Variants in MTR observed in about 807,000 individuals in gnomAD.
The protein encoded by MTR is methionine synthase.
MTR carries 84 observed loss-of-function variants against 154.8 expected under a neutral mutation model. The ratio of observed to expected loss-of-function variants is 0.54; its 90% CI spans 0.45 to 0.65. MTR has a LOEUF of 0.65. MTR is among the 30% of genes least tolerant of loss of function. MTR has a pLI of 0.00. For synonymous variants in MTR, 554 were observed against 553.9 expected, an observed-to-expected ratio of 1.00 and a Z score of 0.00; for missense variants, 1,275 against 1,570.2, an observed-to-expected ratio of 0.81 and a Z score of 3.18.
intron 1 of MTR, chr1:236,799,969 A>G (rs1660617878): frequency 1.2e-6 from 1 of 819,612 alleles, no homozygotes; most frequent in Non-Finnish European, 1.5e-6. Flanking sequence ...CTCAACAAAC[A>G]AGATGCCAGA....
intron 30 of MTR, 50 bp from the exon 31 acceptor site, chr1:236,895,308 C>T: frequency 6.5e-7 from 1 of 1,548,534 alleles, no homozygotes; most frequent in Non-Finnish European, 8.8e-7. Context: ...TGCACTGATG[C>T]TGTGAGCCCC....
chr1:236,864,484 T>TC (rs1232671959), intron 22 of MTR, among the ~76,000 whole-genome samples: 1 of 152,212 alleles, frequency 6.6e-6, no homozygotes, highest in Non-Finnish European at 1.5e-5. Flanking sequence ...CATTTTTTTT[T>TC]CCCTCTGACT....
intron 18 of MTR, among the ~76,000 whole-genome samples, chr1:236,858,387 T>C (rs1664325941): frequency 6.6e-6 from 1 of 152,150 alleles, no homozygotes; most frequent in Non-Finnish European, 1.5e-5. Flanking sequence ...TACCTCCCAC[T>C]GGGTCCCTCC....
chr1:236,847,880 G>GA (rs1572257452), intron 15 of MTR, among the ~76,000 whole-genome samples: 2 of 152,180 alleles, frequency 1.3e-5, no homozygotes, highest in African/African-American at 4.8e-5. Context: ...CTGGATCTCT[G>GA]AAATCCACCA....
Position 236,889,620 on chromosome 1 carries a change from C to G in MTR, c.3007+284C>G, listed in dbSNP as rs556803543. Among the ~76,000 whole-genome samples, 8 of 152,334 alleles carry G rather than the reference C, an allele frequency of 5.3e-5. No homozygotes were observed. The East Asian group carries it at 1.5e-3, about 29-fold the overall frequency. On this transcript the variant is annotated intron_variant, in intron 28 of 32. Coordinates refer to ENST00000366577, the MANE Select transcript of MTR (RefSeq NM_000254.3). ...TGGAAGACAATATAATCCCTGCTGT[C>G]TAGCACCTGACTAGCTGGCACATCC...
intron 24 of MTR, among the ~76,000 whole-genome samples, chr1:236,876,709 A>C (rs1238319237): frequency 2.3e-5 from 2 of 85,598 alleles, no homozygotes; most frequent in Non-Finnish European, 4.9e-5. Flanking sequence ...CTACCAGATT[A>C]AAGAAAAAAA....
chr1:236,889,181 T>G lies in MTR; in HGVS notation c.2852T>G (p.Val951Gly), dbSNP rs1666183690. Residue 951 changes from valine to glycine, a missense_variant and splice_region_variant, in exon 28 of 33, where the codon GTG becomes GGG. By Grantham distance (109) the Val-to-Gly change is moderately radical (BLOSUM62 -3). Transcript: ENST00000366577. ...TGACAACCATACTTCTCTCCTGTAGTGAAGCCCACGTTTATTGGGACCCAG... is the reference window on the plus strand; with the variant it reads ...TGACAACCATACTTCTCTCCTGTAGGGAAGCCCACGTTTATTGGGACCCAG... The part of the protein sequence containing the change: ...QMDWLSEPHP[V>G]KPTFIGTQVF... The G allele has an allele frequency of 6.2e-7, 1 of 1,614,044 alleles. No homozygotes were observed. The highest frequency in any genetic ancestry group is 8.5e-7 in the Non-Finnish European group (1 of 1,180,038).
chr1:236,885,342 A>G, intron 26 of MTR, 123 bp downstream of exon 26: 1 of 709,902 alleles, frequency 1.4e-6, no homozygotes, highest in Non-Finnish European at 2.5e-6. Flanking sequence ...ATTTTAGAGA[A>G]TTTCTGTCTT....
chr1:236,834,363 A>G (rs531514094), intron 13 of MTR, among the ~76,000 whole-genome samples: 1 of 152,248 alleles, frequency 6.6e-6, no homozygotes, highest in Non-Finnish European at 1.5e-5. Context: ...TATTTTTAGT[A>G]GAGATGGAGT....
In MTR at chr1:236,863,518, A is replaced by T. The variant is rs1664667260; in HGVS notation, c.2369A>T (p.Asn790Ile). 6.2e-7 allele frequency: 1 copy of T among 1,614,108 alleles called. No homozygotes were observed. The highest frequency in any genetic ancestry group is 8.5e-7 in the Non-Finnish European group (1 of 1,179,970). Reference sequence around the variant, plus strand: ...GGCGACGTGCACGACATAGGCAAGAACATAGTTGGAGTAGTCCTTGGCTGC... The same window carrying T: ...GGCGACGTGCACGACATAGGCAAGATCATAGTTGGAGTAGTCCTTGGCTGC... Reference protein sequence around the residue: ...VKGDVHDIGKNIVGVVLGCNN... With the variant: ...VKGDVHDIGKIIVGVVLGCNN... The change falls in exon 22 of 33, where the codon AAC becomes ATC. Residue 790 changes from asparagine (N) to isoleucine (I), a missense_variant. Physicochemically the swap from Asn to Ile is moderately radical, Grantham distance 149. Coordinates refer to ENST00000366577, the MANE Select transcript of MTR (RefSeq NM_000254.3).
At chr1:236,862,865 C>T (rs563638947) in intron 21 of MTR, among the ~76,000 whole-genome samples, 2 of 152,320 alleles carry the variant, frequency 1.3e-5, no homozygotes, top group Admixed American at 6.5e-5. Context: ...GAAGCTCAGA[C>T]AGCTTTGGCC....
At chr1:236,852,128 C>G (rs376726572) in intron 16 of MTR, among the ~76,000 whole-genome samples, 13 of 152,188 alleles carry the variant, frequency 8.5e-5, no homozygotes, top group African/African-American at 2.4e-4. Flanking sequence ...GTTGGAACTT[C>G]AATTTCCTTT....
At position 236,815,756 on chromosome 1, in the gene MTR, A is replaced by C; in HGVS notation, c.669+93A>C. The C allele has an allele frequency of 3.2e-6, 4 of 1,249,668 alleles. No homozygotes were observed. The South Asian group carries it at 4.9e-5, about 15-fold the overall frequency. 77.4% of individuals were successfully genotyped at this position (1,249,668 alleles called of 1,614,324 possible). A position where few individuals can be genotyped will look rare whatever the true frequency, so the allele number is the denominator to read the frequency against. On this transcript the variant is annotated intron_variant, in intron 7 of 32. Coordinates refer to ENST00000366577, the MANE Select transcript of MTR (RefSeq NM_000254.3). Reference sequence around the variant, plus strand: ...CCCGCTTTGCATAGTAGAACTATTAATGGTATCTTTAGAACTCATCTACTT... The same window carrying C: ...CCCGCTTTGCATAGTAGAACTATTACTGGTATCTTTAGAACTCATCTACTT...
At chr1:236,858,187 A>C (rs975829692) in intron 18 of MTR, among the ~76,000 whole-genome samples, 3 of 152,166 alleles carry the variant, frequency 2.0e-5, no homozygotes, top group Non-Finnish European at 4.4e-5. Context: ...AGGAGGTTTA[A>C]TGGACTCACG....
chr1:236,884,821 G>A (rs1411044385), intron 25 of MTR, among the ~76,000 whole-genome samples: 6 of 152,168 alleles, frequency 3.9e-5, no homozygotes, highest in Non-Finnish European at 2.9e-5. Flanking sequence ...ACGATGTGAC[G>A]TGGCCCAGGG....
intron 13 of MTR, among the ~76,000 whole-genome samples, chr1:236,832,482 G>T (rs1171274548): frequency 6.6e-6 from 1 of 152,156 alleles, no homozygotes; most frequent in Non-Finnish European, 1.5e-5. Context: ...ACTGTTGAGG[G>T]TATTATGGAT....
intron 1 of MTR, chr1:236,800,521 T>C (rs992082819): frequency 2.1e-6 from 2 of 963,396 alleles, no homozygotes; most frequent in Admixed American, 1.2e-4. Context: ...TCCTGTGAAA[T>C]TATCTACATT....
chr1:236,810,252 T>C (rs898296202), intron 4 of MTR, among the ~76,000 whole-genome samples: 2 of 152,204 alleles, frequency 1.3e-5, no homozygotes, highest in African/African-American at 2.4e-5. Context: ...TGATCAAATA[T>C]ATGTAAGCAG....
At chr1:236,834,594 G>A (rs1281898732) in intron 13 of MTR, among the ~76,000 whole-genome samples, 1 of 151,930 alleles carries the variant, frequency 6.6e-6, no homozygotes, top group East Asian at 1.9e-4. Flanking sequence ...ATCACAATGA[G>A]TGCTAAAAGT....
Sources: gnomAD v4.1 joint callset for allele counts (sites outside exome capture counted in the v4.1 genomes callset) on GRCh38, gnomAD v4.1.1 for gene constraint, MANE v1.5 for transcripts, NCBI Gene and HGNC (gene_info 2026-07-23, HGNC 2026-07-21) for gene names.